Variants in GULP1 observed in about 807,000 individuals in gnomAD.
The protein encoded by GULP1 is PTB domain-containing engulfment adapter protein 1.
In GULP1, 19 loss-of-function variants were observed where a neutral mutation model predicts 40.9. The ratio of observed to expected loss-of-function variants is 0.46; its 90% CI spans 0.32 to 0.68. The LOEUF (loss-of-function observed/expected upper bound fraction) is 0.68, where lower values mean the gene tolerates loss of function less well. GULP1 is among the 30% of genes least tolerant of loss of function. The pLI, the probability that GULP1 is intolerant of heterozygous loss-of-function variation, is 0.03. For missense variants in GULP1, 312 were observed against 362.2 expected (o/e 0.86, Z 1.12); for synonymous variants, 119 against 117.6 (o/e 1.01, Z -0.08).
intron 1 of GULP1, among the ~76,000 whole-genome samples, chr2:188,315,691 C>T (rs1396617369): frequency 2.0e-5 from 3 of 152,032 alleles, no homozygotes; most frequent in Admixed American, 2.0e-4. Flanking sequence ...GTATGTAACC[C>T]TGTATATACC....
chr2:188,586,056 T>G (rs924768874), intron 10 of GULP1, among the ~76,000 whole-genome samples: 1 of 152,192 alleles, frequency 6.6e-6, no homozygotes, highest in Non-Finnish European at 1.5e-5. Context: ...AAATTTCTTC[T>G]GCCAGATACC....
At chr2:188,293,577 G>A (rs746824129) in intron 1 of GULP1, among the ~76,000 whole-genome samples, 3 of 151,784 alleles carry the variant, frequency 2.0e-5, no homozygotes, top group Non-Finnish European at 2.9e-5. Flanking sequence ...TTTGCAAATT[G>A]CTCCCTTTCT....
chr2:188,368,894 G>A (rs1193289299), intron 1 of GULP1, among the ~76,000 whole-genome samples: 2 of 140,844 alleles, frequency 1.4e-5, no homozygotes, highest in Non-Finnish European at 3.0e-5. Context: ...TTCTTTGAGA[G>A]TGTATTAATA....
intron 2 of GULP1, among the ~76,000 whole-genome samples, chr2:188,463,544 A>G (rs536000089): frequency 1.3e-5 from 2 of 151,776 alleles, no homozygotes; most frequent in African/African-American, 4.8e-5. Context: ...TTGGGTATTG[A>G]TATATTTCTC....
chr2:188,377,482 G>C (rs1482519805), intron 1 of GULP1, among the ~76,000 whole-genome samples: 1 of 152,126 alleles, frequency 6.6e-6, no homozygotes, highest in Non-Finnish European at 1.5e-5. Context: ...TGTGGAAGCT[G>C]TATGACTTAG....
chr2:188,569,994 ACAG>A, intron 8 of GULP1, 31 bp from the exon 9 acceptor site: 1 of 841,958 alleles, frequency 1.2e-6, no homozygotes, highest in Admixed American at 2.4e-5. Context: ...GAAAAAAAAA[ACAG>A]AAAGTTATTC....
chr2:188,293,509 TAGAC>T (rs1208023049), intron 1 of GULP1, among the ~76,000 whole-genome samples: 4 of 152,200 alleles, frequency 2.6e-5, no homozygotes, highest in Non-Finnish European at 4.4e-5. Flanking sequence ...GGGAGATTAT[TAGAC>T]AGAGTGAATG....
At chr2:188,509,404 T>G (rs1559324795) in intron 4 of GULP1, among the ~76,000 whole-genome samples, 3 of 152,136 alleles carry the variant, frequency 2.0e-5, no homozygotes. Context: ...ACAGCAATGC[T>G]TTGCAGAAAT....
At chr2:188,370,595 A>C (rs886220569) in intron 1 of GULP1, among the ~76,000 whole-genome samples, 3 of 152,170 alleles carry the variant, frequency 2.0e-5, no homozygotes, top group Non-Finnish European at 4.4e-5. Flanking sequence ...AACCACTTAT[A>C]CTGGGAATTA....
At chr2:188,587,013 ATATGT>A (rs1702527909) in intron 10 of GULP1, among the ~76,000 whole-genome samples, 1 of 152,058 alleles carries the variant, frequency 6.6e-6, no homozygotes, top group Non-Finnish European at 1.5e-5. Flanking sequence ...GAAGGTATGA[ATATGT>A]TATAAATACT....
At chr2:188,465,971 ATGTGTGTGTGTG>A (rs139512748) in intron 2 of GULP1, among the ~76,000 whole-genome samples, 3,334 of 148,956 alleles carry the variant, frequency 0.022, 130 homozygotes, top group African/African-American at 0.077. Flanking sequence ...GTGTGTGTAT[ATGTGTGTGTGTG>A]TGTGTGTGTA....
At chr2:188,338,964 C>G (rs2042634727) in intron 1 of GULP1, among the ~76,000 whole-genome samples, 1 of 152,004 alleles carries the variant, frequency 6.6e-6, no homozygotes, top group South Asian at 2.1e-4. Flanking sequence ...TTAAGTTTTT[C>G]TTTTTTATTG....
chr2:188,331,468 A>G (rs4458180), intron 1 of GULP1, among the ~76,000 whole-genome samples: 39,413 of 152,098 alleles, frequency 0.26, 5,876 homozygotes, highest in African/African-American at 0.42. Context: ...TTTACTATAC[A>G]TAAGAATCAC....
intron 6 of GULP1, among the ~76,000 whole-genome samples, chr2:188,537,975 A>G (rs1689385610): frequency 2.0e-5 from 3 of 152,054 alleles, no homozygotes; most frequent in South Asian, 2.1e-4. Flanking sequence ...GTGAGCTTCA[A>G]GGTGTTCGTA....
chr2:188,524,449 T>C (rs1685609535), intron 5 of GULP1, among the ~76,000 whole-genome samples: 1 of 152,118 alleles, frequency 6.6e-6, no homozygotes, highest in Non-Finnish European at 1.5e-5. Flanking sequence ...CTGTTTTTTC[T>C]CAAATGTCTT....
At chr2:188,477,822 C>A in intron 3 of GULP1, 92 bp downstream of exon 3, 1 of 919,472 alleles carries the variant, frequency 1.1e-6, no homozygotes, top group South Asian at 1.5e-5. Flanking sequence ...TTCTTGTTGT[C>A]AAACCACCTG....
At chr2:188,314,202 A>G (rs1341513029) in intron 1 of GULP1, among the ~76,000 whole-genome samples, 6 of 152,188 alleles carry the variant, frequency 3.9e-5, no homozygotes, top group African/African-American at 1.4e-4. Flanking sequence ...ATCTGTCTAT[A>G]TAAAATGGAG....
intron 1 of GULP1, among the ~76,000 whole-genome samples, chr2:188,369,102 AGGTGCAT>A (rs1559159143): frequency 6.6e-6 from 1 of 150,754 alleles, no homozygotes; most frequent in African/African-American, 2.4e-5. Flanking sequence ...CTGGAACTAC[AGGTGCAT>A]GCCACCACAC....
At chr2:188,448,471 A>G (rs977430292) in intron 2 of GULP1, among the ~76,000 whole-genome samples, 1 of 152,190 alleles carries the variant, frequency 6.6e-6, no homozygotes, top group Admixed American at 6.5e-5. Context: ...TTGAATTTTT[A>G]TGGCATTTTT....
Sources: gnomAD v4.1 joint callset for allele counts (sites outside exome capture counted in the v4.1 genomes callset) on GRCh38, gnomAD v4.1.1 for gene constraint, MANE v1.5 for transcripts, NCBI Gene and HGNC (gene_info 2026-07-23, HGNC 2026-07-21) for gene names.